Variants in SMIM32 observed in about 807,000 individuals in gnomAD.
SMIM32 encodes small integral membrane protein 32.
SMIM32 carries 1 observed loss-of-function variant against 1.6 expected under a neutral mutation model. That is an observed-to-expected ratio of 0.64 (90% confidence interval 0.23 to 3.02). SMIM32 has a LOEUF of 3.02. Among genes scored for constraint, SMIM32 ranks in the 30% most tolerant of loss-of-function variants. The pLI, the probability that SMIM32 is intolerant of heterozygous loss-of-function variation, is 0.21. For missense variants in SMIM32, 99 were observed against 60.5 expected, an observed-to-expected ratio of 1.64 and a Z score of -2.11; for synonymous variants, 53 against 31.3, an observed-to-expected ratio of 1.69 and a Z score of -2.31.
Position 136,192,638 on chromosome 5 carries a change from G to T in SMIM32, c.-114C>A, listed in dbSNP as rs1411597305. ...CCCGCCCTGCCGCGCCCAACTGACCGAGAGTCGGTGCCTTGGGGCCGGCGG... is the reference window on the plus strand; with the variant it reads ...CCCGCCCTGCCGCGCCCAACTGACCTAGAGTCGGTGCCTTGGGGCCGGCGG... On this transcript the variant is annotated 5_prime_UTR_variant, in exon 1 of 1. Coordinates refer to ENST00000607574, the MANE Select transcript of SMIM32 (RefSeq NM_001350994.2). The T allele has an allele frequency of 5.2e-6, 3 of 578,560 alleles. No individual in the cohort carries two copies. Among genetic ancestry groups the T allele is most frequent in the Non-Finnish European group, 6.1e-6 (2 of 327,996 alleles). The allele number at this position is 578,560 out of a possible 1,614,324, so 35.8% of individuals were successfully genotyped here. A position where few individuals can be genotyped will look rare whatever the true frequency, so the allele number is the denominator to read the frequency against.
rs1754827938 is a variant in SMIM32 at position 136,192,027 on chromosome 5, C to A, written c.*186G>T. On this transcript the variant is annotated 3_prime_UTR_variant, in exon 1 of 1. Transcript: ENST00000607574. ...TACTGGGATCGAGACCCTACACAGG[C>A]TCCCGACGCCTCGGTCTCCCTTTCC... 2 of 565,592 alleles carry A rather than the reference C, an allele frequency of 3.5e-6. No individual in the cohort carries two copies. The highest frequency in any genetic ancestry group is 6.2e-6 in the Non-Finnish European group (2 of 320,654). 35.0% of individuals were successfully genotyped at this position (565,592 alleles called of 1,614,324 possible). A position where few individuals can be genotyped will look rare whatever the true frequency, so the allele number is the denominator to read the frequency against.
In SMIM32 at chr5:136,192,832, C is replaced by A. The variant is rs1354663710; in HGVS notation, c.-308G>T. On this transcript the variant is annotated 5_prime_UTR_variant, in exon 1 of 1. Coordinates refer to ENST00000607574, the MANE Select transcript of SMIM32 (RefSeq NM_001350994.2). ...AGGACAGAGGTCCCAGTCACTGACTCGCCTTTCGGCTTTACAACAGCCCGC... is the reference window on the plus strand; with the variant it reads ...AGGACAGAGGTCCCAGTCACTGACTAGCCTTTCGGCTTTACAACAGCCCGC... 5.3e-6 allele frequency: 2 copies of A among 374,104 alleles called. No individual in the cohort carries two copies. Among genetic ancestry groups the A allele is most frequent in the Non-Finnish European group, 9.5e-6 (2 of 210,332 alleles). The allele number at this position is 374,104 out of a possible 1,614,324, so 23.2% of individuals were successfully genotyped here.
chr5:136,192,178 G>C lies in SMIM32; in HGVS notation c.*35C>G, dbSNP rs1444910369. On this transcript the variant is annotated 3_prime_UTR_variant, in exon 1 of 1. Transcript: ENST00000607574. ...AGCTGGCTGCTCTTGGCTAGGTCGG[G>C]ACGGGGCGCCCGGCGGCCGTGGCTC... 1.5e-6 allele frequency: 1 copy of C among 646,792 alleles called. No homozygotes were observed. The highest frequency in any genetic ancestry group is 1.7e-5 in the South Asian group (1 of 57,836). The allele number at this position is 646,792 out of a possible 1,614,324, so 40.1% of individuals were successfully genotyped here.
At position 136,192,733 on chromosome 5, in the gene SMIM32, C is replaced by G; in HGVS notation, c.-209G>C. The G allele has an allele frequency of 1.8e-6, 1 of 551,774 alleles. No homozygotes were observed. The highest frequency in any genetic ancestry group is 3.2e-6 in the Non-Finnish European group (1 of 315,534). 34.2% of individuals were successfully genotyped at this position (551,774 alleles called of 1,614,324 possible). A position where few individuals can be genotyped will look rare whatever the true frequency, so the allele number is the denominator to read the frequency against. ...CTCAGCTGCTTTCCCCGCCGGCTGGCGGACCCCAGTTCTCGGAGCTGGACA... is the reference window on the plus strand; with the variant it reads ...CTCAGCTGCTTTCCCCGCCGGCTGGGGGACCCCAGTTCTCGGAGCTGGACA... On this transcript the variant is annotated 5_prime_UTR_variant, in exon 1 of 1. Coordinates refer to ENST00000607574, the MANE Select transcript of SMIM32 (RefSeq NM_001350994.2).
Position 136,192,468 on chromosome 5 carries a change from C to T in SMIM32, c.57G>A (p.Ala19=), listed in dbSNP as rs1292288363. The part of the protein sequence containing the change: ...TGGPEAAVGS[A]LAPGATVKAE... ...CCTTGACCGTGGCTCCTGGGGCCAG[C>T]GCGCTGCCTACCGCCGCCTCGGGGC... Residue 19 remains alanine (A), a synonymous_variant, in exon 1 of 1, where the codon GCG becomes GCA. Transcript: ENST00000607574. 1 of 697,882 alleles carries T rather than the reference C, an allele frequency of 1.4e-6. No homozygotes were observed. Among genetic ancestry groups the T allele is most frequent in the East Asian group, 2.7e-5 (1 of 37,110 alleles). The allele number at this position is 697,882 out of a possible 1,614,324, so 43.2% of individuals were successfully genotyped here. A position where few individuals can be genotyped will look rare whatever the true frequency, so the allele number is the denominator to read the frequency against.
Position 136,192,527 on chromosome 5 carries a change from C to A in SMIM32, c.-3G>T. On this transcript the variant is annotated 5_prime_UTR_variant, in exon 1 of 1. Transcript: ENST00000607574. ...GCGTTGAATATGTCGCCGTACATGG[C>A]CCGCGGGTCCCGCCGACCCCAGCCG... 1 of 673,658 alleles carries A rather than the reference C, an allele frequency of 1.5e-6. No homozygotes were observed. The highest frequency in any genetic ancestry group is 1.6e-5 in the South Asian group (1 of 63,274). The allele number at this position is 673,658 out of a possible 1,614,324, so 41.7% of individuals were successfully genotyped here. A position where few individuals can be genotyped will look rare whatever the true frequency, so the allele number is the denominator to read the frequency against.
rs766493786 is a variant in SMIM32, at chr5:136,192,245, C to T, written c.280G>A (p.Ala94Thr). Residue 94 changes from alanine (A) to threonine (T), a missense_variant, in exon 1 of 1, where the codon GCC (alanine) becomes ACC (threonine). Transcript: ENST00000607574. The stretch of plus-strand genomic sequence containing the variant: ...GGCCGCGTCTTCCAGGGCGCGCGGG[C>T]GTCGCGCAGCGAGCGGTCGTGGGGC... ...ALPHDRSLRDARAPWKTRPV is the reference protein window; with the variant it reads ...ALPHDRSLRDTRAPWKTRPV The T allele has an allele frequency of 4.3e-6, 3 of 698,298 alleles. No individual in the cohort carries two copies. Among genetic ancestry groups the T allele is most frequent in the South Asian group, 3.0e-5 (2 of 67,374 alleles). The allele number at this position is 698,298 out of a possible 1,614,324, so 43.3% of individuals were successfully genotyped here. A position where few individuals can be genotyped will look rare whatever the true frequency, so the allele number is the denominator to read the frequency against.
chr5:136,192,228 C>G lies in SMIM32; in HGVS notation c.297G>C (p.Lys99Asn), dbSNP rs1327535016. The G allele has an allele frequency of 1.4e-6, 1 of 697,166 alleles. No individual in the cohort carries two copies. The highest frequency in any genetic ancestry group is 2.6e-6 in the Non-Finnish European group (1 of 382,624). 43.2% of individuals were successfully genotyped at this position (697,166 alleles called of 1,614,324 possible). A position where few individuals can be genotyped will look rare whatever the true frequency, so the allele number is the denominator to read the frequency against. The change falls in exon 1 of 1, where the codon AAG (lysine) becomes AAC (asparagine). Residue 99 changes from lysine (K) to asparagine (N), a missense_variant. Coordinates refer to ENST00000607574, the MANE Select transcript of SMIM32 (RefSeq NM_001350994.2). ...CAGTCCCAAGCTACACCGGCCGCGT[C>G]TTCCAGGGCGCGCGGGCGTCGCGCA... ...RSLRDARAPW[K>N]TRPV
At position 136,192,680 on chromosome 5, in the gene SMIM32, G is replaced by A; in HGVS notation, c.-156C>T. 7.1e-6 allele frequency: 4 copies of A among 566,432 alleles called. No homozygotes were observed. Among genetic ancestry groups the A allele is most frequent in the Non-Finnish European group, 9.3e-6 (3 of 322,772 alleles). The allele number at this position is 566,432 out of a possible 1,614,324, so 35.1% of individuals were successfully genotyped here. A position where few individuals can be genotyped will look rare whatever the true frequency, so the allele number is the denominator to read the frequency against. Reference sequence around the variant, plus strand: ...GGCCGGCGGGGACTGCAAAGACCCCGGGACGCGTCCGCTCACTCGCCTCCG... The same window carrying A: ...GGCCGGCGGGGACTGCAAAGACCCCAGGACGCGTCCGCTCACTCGCCTCCG... On this transcript the variant is annotated 5_prime_UTR_variant, in exon 1 of 1. Transcript: ENST00000607574.
chr5:136,192,636 C>G lies in SMIM32; in HGVS notation c.-112G>C, dbSNP rs1160776953. 2 of 578,752 alleles carry G rather than the reference C, an allele frequency of 3.5e-6. No homozygotes were observed. Among genetic ancestry groups the G allele is most frequent in the African/African-American group, 3.9e-5 (2 of 50,654 alleles). 35.9% of individuals were successfully genotyped at this position (578,752 alleles called of 1,614,324 possible). ...CTCCCGCCCTGCCGCGCCCAACTGA[C>G]CGAGAGTCGGTGCCTTGGGGCCGGC... On this transcript the variant is annotated 5_prime_UTR_variant, in exon 1 of 1. Coordinates refer to ENST00000607574, the MANE Select transcript of SMIM32 (RefSeq NM_001350994.2).
Position 136,192,834 on chromosome 5 carries a change from C to G in SMIM32, c.-310G>C, listed in dbSNP as rs1754852193. 1 of 373,374 alleles carries G rather than the reference C, an allele frequency of 2.7e-6. No homozygotes were observed. Among genetic ancestry groups the G allele is most frequent in the Admixed American group, 4.5e-5 (1 of 22,078 alleles). The allele number at this position is 373,374 out of a possible 1,614,324, so 23.1% of individuals were successfully genotyped here. A position where few individuals can be genotyped will look rare whatever the true frequency, so the allele number is the denominator to read the frequency against. ...GACAGAGGTCCCAGTCACTGACTCG[C>G]CTTTCGGCTTTACAACAGCCCGCTC... On this transcript the variant is annotated 5_prime_UTR_variant, in exon 1 of 1. Transcript: ENST00000607574.
rs1580817499 is a variant in SMIM32 at position 136,192,900 on chromosome 5, G to C, written c.-376C>G. The C allele has an allele frequency of 4.9e-6, 1 of 203,618 alleles. No individual in the cohort carries two copies. Among genetic ancestry groups the C allele is most frequent in the Non-Finnish European group, 9.7e-6 (1 of 102,936 alleles). The allele number at this position is 203,618 out of a possible 1,614,324, so 12.6% of individuals were successfully genotyped here. On this transcript the variant is annotated 5_prime_UTR_variant, in exon 1 of 1. Transcript: ENST00000607574. Reference sequence around the variant, plus strand: ...CTCCAGTGAGCTCCAGGTGCTGGGCGCCTCTGGGCTGCGGCGGCGGGGAGA... The same window carrying C: ...CTCCAGTGAGCTCCAGGTGCTGGGCCCCTCTGGGCTGCGGCGGCGGGGAGA...
In SMIM32 at chr5:136,192,141, C is replaced by T; in HGVS notation, c.*72G>A. 1.6e-6 allele frequency: 1 copy of T among 618,758 alleles called. No homozygotes were observed. The highest frequency in any genetic ancestry group is 1.9e-5 in the South Asian group (1 of 53,688). The allele number at this position is 618,758 out of a possible 1,614,324, so 38.3% of individuals were successfully genotyped here. The stretch of plus-strand genomic sequence containing the variant: ...AGCGATCCCCGGTGTCGTGCCCTCC[C>T]TACCAGGCTCAAGCTGGCTGCTCTT... On this transcript the variant is annotated 3_prime_UTR_variant, in exon 1 of 1. Coordinates refer to ENST00000607574, the MANE Select transcript of SMIM32 (RefSeq NM_001350994.2).
Position 136,192,212 on chromosome 5 carries a change from G to C in SMIM32, c.*1C>G, listed in dbSNP as rs1754832685. 1 of 693,162 alleles carries C rather than the reference G, an allele frequency of 1.4e-6. No individual in the cohort carries two copies. Among genetic ancestry groups the C allele is most frequent in the South Asian group, 1.5e-5 (1 of 66,280 alleles). 42.9% of individuals were successfully genotyped at this position (693,162 alleles called of 1,614,324 possible). A position where few individuals can be genotyped will look rare whatever the true frequency, so the allele number is the denominator to read the frequency against. On this transcript the variant is annotated 3_prime_UTR_variant, in exon 1 of 1. Coordinates refer to ENST00000607574, the MANE Select transcript of SMIM32 (RefSeq NM_001350994.2). ...CCCGGCGGCCGTGGCTCAGTCCCAAGCTACACCGGCCGCGTCTTCCAGGGC... is the reference window on the plus strand; with the variant it reads ...CCCGGCGGCCGTGGCTCAGTCCCAACCTACACCGGCCGCGTCTTCCAGGGC...
Position 136,191,691 on chromosome 5 carries a change from C to T in SMIM32, c.*522G>A, listed in dbSNP as rs1754819645. 1 of 152,642 alleles carries T rather than the reference C, an allele frequency of 6.6e-6. No homozygotes were observed. The highest frequency in any genetic ancestry group is 2.4e-5 in the African/African-American group (1 of 41,464). 9.5% of individuals were successfully genotyped at this position (152,642 alleles called of 1,614,324 possible). A position where few individuals can be genotyped will look rare whatever the true frequency, so the allele number is the denominator to read the frequency against. ...TTCCAAAGTTCAGGTGAGTTCACGA[C>T]GCTCGGATCCTAGTGGGGTCCTCCT... On this transcript the variant is annotated 3_prime_UTR_variant, in exon 1 of 1. Coordinates refer to ENST00000607574, the MANE Select transcript of SMIM32 (RefSeq NM_001350994.2).
rs1754852497 is a variant in SMIM32 at position 136,192,849 on chromosome 5, A to G, written c.-325T>C. 3.2e-6 allele frequency: 1 copy of G among 315,704 alleles called. No individual in the cohort carries two copies. Among genetic ancestry groups the G allele is most frequent in the Non-Finnish European group, 5.8e-6 (1 of 173,666 alleles). The allele number at this position is 315,704 out of a possible 1,614,324, so 19.6% of individuals were successfully genotyped here. A position where few individuals can be genotyped will look rare whatever the true frequency, so the allele number is the denominator to read the frequency against. ...CACTGACTCGCCTTTCGGCTTTACAACAGCCCGCTCAGCTCGGACCCTCAG... is the reference window on the plus strand; with the variant it reads ...CACTGACTCGCCTTTCGGCTTTACAGCAGCCCGCTCAGCTCGGACCCTCAG... On this transcript the variant is annotated 5_prime_UTR_variant, in exon 1 of 1. Transcript: ENST00000607574.
At position 136,192,068 on chromosome 5, in the gene SMIM32, C is replaced by A; in HGVS notation, c.*145G>T. On this transcript the variant is annotated 3_prime_UTR_variant, in exon 1 of 1. Coordinates refer to ENST00000607574, the MANE Select transcript of SMIM32 (RefSeq NM_001350994.2). The stretch of plus-strand genomic sequence containing the variant: ...CTCCCTTTCCTCTCGGGTTGCCACT[C>A]TAGTTCAGGAAGGGTCTTTGGGTCA... 1.7e-6 allele frequency: 1 copy of A among 579,252 alleles called. No homozygotes were observed. The highest frequency in any genetic ancestry group is 2.1e-5 in the South Asian group (1 of 47,596). 35.9% of individuals were successfully genotyped at this position (579,252 alleles called of 1,614,324 possible).
rs1202411627 is a variant in SMIM32 at position 136,192,239 on chromosome 5, C to G, written c.286G>C (p.Ala96Pro). The change falls in exon 1 of 1, where the codon GCG becomes CCG. Residue 96 changes from alanine to proline, a missense_variant. Ala to Pro is a conservative substitution (Grantham distance 27, BLOSUM62 -1). Transcript: ENST00000607574. Reference sequence around the variant, plus strand: ...TACACCGGCCGCGTCTTCCAGGGCGCGCGGGCGTCGCGCAGCGAGCGGTCG... The same window carrying G: ...TACACCGGCCGCGTCTTCCAGGGCGGGCGGGCGTCGCGCAGCGAGCGGTCG... Reference protein sequence around the residue: ...PHDRSLRDARAPWKTRPV With the variant: ...PHDRSLRDARPPWKTRPV 1 of 697,970 alleles carries G rather than the reference C, an allele frequency of 1.4e-6. No homozygotes were observed. Among genetic ancestry groups the G allele is most frequent in the Non-Finnish European group, 2.6e-6 (1 of 383,012 alleles). 43.2% of individuals were successfully genotyped at this position (697,970 alleles called of 1,614,324 possible). A position where few individuals can be genotyped will look rare whatever the true frequency, so the allele number is the denominator to read the frequency against.
rs534613479 is a variant in SMIM32 at position 136,192,996 on chromosome 5, G to A, written c.-472C>T. The A allele has an allele frequency of 6.3e-6, 1 of 157,580 alleles. No homozygotes were observed. The highest frequency in any genetic ancestry group is 6.4e-5 in the Admixed American group (1 of 15,542). The allele number at this position is 157,580 out of a possible 1,614,324, so 9.8% of individuals were successfully genotyped here. A position where few individuals can be genotyped will look rare whatever the true frequency, so the allele number is the denominator to read the frequency against. On this transcript the variant is annotated 5_prime_UTR_variant, in exon 1 of 1. Transcript: ENST00000607574. ...CCGGTGGCAGAGCGCACGGAGGGCG[G>A]GTGGCCAGGGAGTCCTCCGCGTCCT...
Sources: allele counts gnomAD v4.1 joint callset, GRCh38; gene constraint gnomAD v4.1.1; transcripts MANE v1.5; gene names NCBI Gene and HGNC (gene_info 2026-07-23, HGNC 2026-07-21).